DGKI: variants seen among roughly 807,000 people sequenced by gnomAD.
The protein encoded by DGKI is diacylglycerol kinase iota.
Under a neutral mutation model 147.5 loss-of-function variants are expected in DGKI, and 55 were observed. That is an observed-to-expected ratio of 0.37 (90% CI 0.30 to 0.47). DGKI has a LOEUF of 0.47. Among genes scored for constraint, DGKI ranks in the 20% least tolerant of loss-of-function variants. The probability of loss-of-function intolerance (pLI) is 1.00; values close to 1 mark genes in which losing one functional copy is unlikely to be tolerated. For synonymous variants in DGKI, 469 were observed against 477.1 expected (o/e 0.98, Z 0.22); for missense variants, 1,007 against 1,323.8 (o/e 0.76, Z 3.71).
chr7:137,599,632 G>C (rs1393696830), intron 11 of DGKI, among the ~76,000 whole-genome samples, 191 bp downstream of exon 11: 1 of 152,204 alleles, frequency 6.6e-6, no homozygotes, highest in Non-Finnish European at 1.5e-5. Flanking sequence ...GAGAAGATAT[G>C]TTTCGAAGGG....
At chr7:137,771,346 C>T (rs867653039) in intron 1 of DGKI, among the ~76,000 whole-genome samples, 1 of 152,204 alleles carries the variant, frequency 6.6e-6, no homozygotes, top group Non-Finnish European at 1.5e-5. Flanking sequence ...CCGCTTCAGC[C>T]TCCCAAAGTG....
chr7:137,815,650 T>G (rs991219759), intron 1 of DGKI, among the ~76,000 whole-genome samples: 3 of 152,214 alleles, frequency 2.0e-5, no homozygotes, highest in Non-Finnish European at 2.9e-5. Context: ...AAGATGAAGA[T>G]GTAGGCCTGT....
At chr7:137,669,168 C>G (rs934046106) in intron 3 of DGKI, among the ~76,000 whole-genome samples, 1 of 152,130 alleles carries the variant, frequency 6.6e-6, no homozygotes, top group Admixed American at 6.5e-5. Context: ...TTACCTGCAC[C>G]CCCTTAAATG....
chr7:137,768,374 G>C (rs1796080413), intron 1 of DGKI, among the ~76,000 whole-genome samples: 1 of 152,106 alleles, frequency 6.6e-6, no homozygotes, highest in Admixed American at 6.5e-5. Flanking sequence ...AGTGGGGAGG[G>C]AGTGAGGCAT....
intron 1 of DGKI, among the ~76,000 whole-genome samples, chr7:137,724,172 A>T (rs1177102721): frequency 1.3e-5 from 2 of 152,204 alleles, no homozygotes; most frequent in Non-Finnish European, 2.9e-5. Context: ...TTGTTCAGGT[A>T]ACAGCCAGAA....
intron 1 of DGKI, among the ~76,000 whole-genome samples, chr7:137,713,493 C>T (rs1794278283): frequency 1.3e-5 from 2 of 152,132 alleles, no homozygotes; most frequent in Admixed American, 6.5e-5. Flanking sequence ...ACACATAATA[C>T]ACATTTATTT....
At chr7:137,405,659 T>C (rs563589716) in intron 30 of DGKI, among the ~76,000 whole-genome samples, 6 of 152,124 alleles carry the variant, frequency 3.9e-5, no homozygotes, top group African/African-American at 7.2e-5. Flanking sequence ...TTTTAGCCAA[T>C]AGAATGCAGT....
At chr7:137,595,688 T>C (rs1195265289) in intron 12 of DGKI, among the ~76,000 whole-genome samples, 1 of 152,036 alleles carries the variant, frequency 6.6e-6, no homozygotes, top group Non-Finnish European at 1.5e-5. Flanking sequence ...GCACAGTGCT[T>C]CCTCCACATA....
chr7:137,764,915 A>G (rs1795964565), intron 1 of DGKI, among the ~76,000 whole-genome samples: 1 of 152,078 alleles, frequency 6.6e-6, no homozygotes, highest in Non-Finnish European at 1.5e-5. Context: ...GTCTCCTTCC[A>G]CATTTTACCC....
intron 21 of DGKI, among the ~76,000 whole-genome samples, chr7:137,499,796 C>A (rs907350274): frequency 6.6e-6 from 1 of 152,082 alleles, no homozygotes; most frequent in African/African-American, 2.4e-5. Context: ...GACTTCTTGG[C>A]CACTATAATT....
intron 1 of DGKI, among the ~76,000 whole-genome samples, chr7:137,834,804 A>C (rs1489841465): frequency 6.6e-6 from 1 of 152,262 alleles, no homozygotes; most frequent in Non-Finnish European, 1.5e-5. Context: ...TTATGCCTTA[A>C]AAGGCAGGGC....
intron 1 of DGKI, among the ~76,000 whole-genome samples, chr7:137,708,298 G>A (rs1794104519): frequency 6.6e-6 from 1 of 152,194 alleles, no homozygotes; most frequent in Non-Finnish European, 1.5e-5. Flanking sequence ...AGTAAAGGAA[G>A]CAATTAAACT....
chr7:137,840,540 G>A (rs190332869), intron 1 of DGKI, among the ~76,000 whole-genome samples: 341 of 152,334 alleles, frequency 2.2e-3, no homozygotes, highest in African/African-American at 7.6e-3. Flanking sequence ...TACTCAGAAG[G>A]CAAATTAAGG....
intron 3 of DGKI, among the ~76,000 whole-genome samples, chr7:137,669,313 G>A (rs989140399): frequency 3.9e-5 from 6 of 152,160 alleles, no homozygotes; most frequent in African/African-American, 1.4e-4. Context: ...CAACTTTGGG[G>A]GCCAGTAGTG....
chr7:137,549,477 T>A (rs1050497813), intron 20 of DGKI, among the ~76,000 whole-genome samples: 1 of 152,166 alleles, frequency 6.6e-6, no homozygotes, highest in Non-Finnish European at 1.5e-5. Flanking sequence ...ACCACCTTCT[T>A]CTTACTGGGA....
At chr7:137,485,944 G>A (rs1175112369) in intron 22 of DGKI, among the ~76,000 whole-genome samples, 1 of 152,070 alleles carries the variant, frequency 6.6e-6, no homozygotes, top group Non-Finnish European at 1.5e-5. Flanking sequence ...TTATCACAAA[G>A]TGCAAATTAA....
intron 21 of DGKI, among the ~76,000 whole-genome samples, chr7:137,489,262 C>T (rs182873397): frequency 2.6e-5 from 4 of 152,176 alleles, no homozygotes; most frequent in East Asian, 1.9e-4. Flanking sequence ...ATGGGCTTAA[C>T]GACTGTTTGG....
At chr7:137,663,236 C>G (rs1822508702) in intron 3 of DGKI, among the ~76,000 whole-genome samples, 1 of 152,108 alleles carries the variant, frequency 6.6e-6, no homozygotes, top group South Asian at 2.1e-4. Flanking sequence ...AGCTGGCAAG[C>G]TACTTGAGGA....
chr7:137,465,688 G>C (rs1814626667), intron 26 of DGKI, among the ~76,000 whole-genome samples: 1 of 152,210 alleles, frequency 6.6e-6, no homozygotes, highest in Admixed American at 6.5e-5. Flanking sequence ...AAGGGTTGCT[G>C]TGATGGGGAA....
Sources: gnomAD v4.1 joint callset for allele counts (sites outside exome capture counted in the v4.1 genomes callset) on GRCh38, gnomAD v4.1.1 for gene constraint, MANE v1.5 for transcripts, NCBI Gene and HGNC (gene_info 2026-07-23, HGNC 2026-07-21) for gene names.